The following CACNA1E variants were observed in gnomAD, a reference collection of about 807,000 sequenced individuals.
CACNA1E encodes calcium voltage-gated channel subunit alpha1 E.
Under a neutral mutation model 259.2 loss-of-function variants are expected in CACNA1E, and 40 were observed. The observed-to-expected ratio is 0.15, with a 90% CI of 0.12 to 0.20. The LOEUF (loss-of-function observed/expected upper bound fraction) is 0.20. Among genes scored for constraint, CACNA1E ranks in the 10% least tolerant of loss-of-function variants. CACNA1E has a pLI of 1.00. For synonymous variants in CACNA1E, 1,104 were observed against 1,138.5 expected, an observed-to-expected ratio of 0.97 and a Z score of 0.61; for missense variants, 1,874 against 3,040.1, an observed-to-expected ratio of 0.62 and a Z score of 9.02.
intron 35 of CACNA1E, among the ~76,000 whole-genome samples, chr1:181,768,006 A>T (rs1408242478): frequency 6.6e-6 from 1 of 152,258 alleles, no homozygotes; most frequent in Non-Finnish European, 1.5e-5. Flanking sequence ...ATGCTCGTAT[A>T]CAATGTGTAA....
At chr1:181,517,410 G>A (rs1481073292) in intron 3 of CACNA1E, among the ~76,000 whole-genome samples, 1 of 152,144 alleles carries the variant, frequency 6.6e-6, no homozygotes, top group Non-Finnish European at 1.5e-5. Flanking sequence ...TAACCAGAGG[G>A]CAGTGGGGAG....
intron 44 of CACNA1E, among the ~76,000 whole-genome samples, chr1:181,791,451 T>C (rs1356906825): frequency 6.6e-6 from 1 of 152,146 alleles, no homozygotes; most frequent in East Asian, 1.9e-4. Flanking sequence ...CCAGCCTGGG[T>C]GACAGAGCAA....
At chr1:181,730,693 G>A (rs1044036014) in intron 18 of CACNA1E, among the ~76,000 whole-genome samples, 4 of 152,202 alleles carry the variant, frequency 2.6e-5, no homozygotes, top group African/African-American at 9.6e-5. Flanking sequence ...CACTTGCTCC[G>A]CTGCATGTTT....
At chr1:181,429,755 T>G (rs1659583311) in intron 2 of CACNA1E, among the ~76,000 whole-genome samples, 1 of 152,216 alleles carries the variant, frequency 6.6e-6, no homozygotes. Flanking sequence ...GACCCTGCCT[T>G]TCCCATTCCC....
intron 1 of CACNA1E, among the ~76,000 whole-genome samples, chr1:181,397,776 C>G (rs1242591656): frequency 2.0e-5 from 3 of 152,328 alleles, no homozygotes; most frequent in African/African-American, 7.2e-5. Flanking sequence ...CTCCGCAGCC[C>G]TGGGGATTCC....
intron 7 of CACNA1E, among the ~76,000 whole-genome samples, chr1:181,673,830 G>A (rs1263839069): frequency 1.3e-5 from 2 of 151,884 alleles, no homozygotes; most frequent in Non-Finnish European, 2.9e-5. Context: ...GCCAGCTCTC[G>A]TTCGTTGCCT....
intron 3 of CACNA1E, among the ~76,000 whole-genome samples, chr1:181,535,762 A>G (rs1209720658): frequency 1.3e-5 from 2 of 149,552 alleles, no homozygotes; most frequent in Non-Finnish European, 3.0e-5. Context: ...ATCTCAGTTC[A>G]CTGCAACCTC....
At chr1:181,509,607 T>C (rs1665998505) in intron 1 of CACNA1E, among the ~76,000 whole-genome samples, 1 of 152,176 alleles carries the variant, frequency 6.6e-6, no homozygotes, top group South Asian at 2.1e-4. Context: ...CTCTTTCTCT[T>C]CTGAGAGTCC....
chr1:181,611,933 A>G (rs560742790), intron 6 of CACNA1E, among the ~76,000 whole-genome samples: 18 of 152,322 alleles, frequency 1.2e-4, no homozygotes, highest in Admixed American at 9.8e-4. Context: ...TTTTCCCTTG[A>G]TACATACAGA....
At chr1:181,631,793 G>C (rs1266700906) in intron 6 of CACNA1E, among the ~76,000 whole-genome samples, 1 of 152,190 alleles carries the variant, frequency 6.6e-6, no homozygotes, top group Admixed American at 6.5e-5. Context: ...TGAAAGTAGA[G>C]AGCTGAGGAA....
intron 1 of CACNA1E, among the ~76,000 whole-genome samples, chr1:181,376,448 C>T (rs1252631629): frequency 6.6e-6 from 1 of 152,202 alleles, no homozygotes; most frequent in African/African-American, 2.4e-5. Context: ...GCAGAATATG[C>T]CAGGACACAT....
intron 7 of CACNA1E, among the ~76,000 whole-genome samples, chr1:181,684,073 T>C (rs1650266323): frequency 6.6e-6 from 1 of 152,218 alleles, no homozygotes. Flanking sequence ...CTTTCCACAG[T>C]GGCTGAACTG....
At chr1:181,440,449 T>C (rs1314101282) in intron 2 of CACNA1E, among the ~76,000 whole-genome samples, 4 of 152,048 alleles carry the variant, frequency 2.6e-5, no homozygotes, top group African/African-American at 7.2e-5. Context: ...GGACTGAAAG[T>C]TGTGTGTGTC....
chr1:181,650,587 C>T (rs1010068127), intron 6 of CACNA1E, among the ~76,000 whole-genome samples: 4 of 152,158 alleles, frequency 2.6e-5, no homozygotes, highest in Non-Finnish European at 4.4e-5. Flanking sequence ...AATAAGATAT[C>T]CTGCTAAGAA....
intron 1 of CACNA1E, among the ~76,000 whole-genome samples, chr1:181,507,115 G>A (rs1665778326): frequency 6.6e-6 from 1 of 151,490 alleles, no homozygotes; most frequent in Non-Finnish European, 1.5e-5. Flanking sequence ...TCAGATAGTG[G>A]GAAGAGGATT....
intron 1 of CACNA1E, among the ~76,000 whole-genome samples, chr1:181,402,471 C>T (rs1453642956): frequency 6.6e-6 from 1 of 152,212 alleles, no homozygotes; most frequent in African/African-American, 2.4e-5. Flanking sequence ...AAAGGATGAT[C>T]CACCTCTTCT....
chr1:181,628,995 T>C (rs1233867976), intron 6 of CACNA1E, among the ~76,000 whole-genome samples: 1 of 152,198 alleles, frequency 6.6e-6, no homozygotes, highest in Non-Finnish European at 1.5e-5. Context: ...GGAATATAAG[T>C]AAGAATGACA....
At chr1:181,369,800 A>T (rs1571687574) in intron 1 of CACNA1E, among the ~76,000 whole-genome samples, 1 of 152,208 alleles carries the variant, frequency 6.6e-6, no homozygotes, top group Non-Finnish European at 1.5e-5. Context: ...TTGTCTTTTT[A>T]AAAAAATCTT....
chr1:181,543,312 T>G (rs1185239356), intron 3 of CACNA1E, among the ~76,000 whole-genome samples: 1 of 152,142 alleles, frequency 6.6e-6, no homozygotes, highest in African/African-American at 2.4e-5. Context: ...TCACTAGGGT[T>G]TCAGGTTCCT....
Sources: gnomAD v4.1 joint callset for allele counts (sites outside exome capture counted in the v4.1 genomes callset) on GRCh38, gnomAD v4.1.1 for gene constraint, MANE v1.5 for transcripts, NCBI Gene and HGNC (gene_info 2026-07-23, HGNC 2026-07-21) for gene names.